The following TRHDE variants were observed in gnomAD, a reference collection of about 807,000 sequenced individuals.
TRHDE encodes thyrotropin-releasing hormone-degrading ectoenzyme.
TRHDE carries 72 observed loss-of-function variants against 125.7 expected under a neutral mutation model. The ratio of observed to expected loss-of-function variants is 0.57; its 90% CI spans 0.47 to 0.70. The LOEUF (loss-of-function observed/expected upper bound fraction) is 0.70. TRHDE is among the 30% of genes least tolerant of loss of function. The pLI is 0.00. For synonymous variants in TRHDE, 509 were observed against 509.1 expected (o/e 1.00, Z 0.00); for missense variants, 1,110 against 1,327.1 (o/e 0.84, Z 2.54).
intron 9 of TRHDE, among the ~76,000 whole-genome samples, chr12:72,566,631 AG>A (rs1382637748): frequency 8.1e-6 from 1 of 123,660 alleles, no homozygotes. Context: ...TGTTTATATT[AG>A]GGGCAATGAT....
chr12:72,207,109 C>G (rs950719694), intron 2 of TRHDE, among the ~76,000 whole-genome samples: 4 of 152,170 alleles, frequency 2.6e-5, no homozygotes, highest in Non-Finnish European at 4.4e-5. Flanking sequence ...TTATCTTTCT[C>G]TTGGACATCT....
At chr12:72,164,497 G>A (rs1252078841) in intron 2 of TRHDE, among the ~76,000 whole-genome samples, 1 of 152,132 alleles carries the variant, frequency 6.6e-6, no homozygotes, top group African/African-American at 2.4e-5. Flanking sequence ...GTCCAGTGGT[G>A]GTGAGCTGAA....
intron 2 of TRHDE, among the ~76,000 whole-genome samples, chr12:72,238,056 G>T (rs1438172702): frequency 6.6e-6 from 1 of 151,772 alleles, no homozygotes; most frequent in Non-Finnish European, 1.5e-5. Flanking sequence ...AAGGACTTTG[G>T]CATTGACATT....
At chr12:72,545,956 G>T (rs1003032050) in intron 7 of TRHDE, among the ~76,000 whole-genome samples, 6 of 151,514 alleles carry the variant, frequency 4.0e-5, no homozygotes, top group African/African-American at 7.3e-5. Flanking sequence ...TTGCATTTAG[G>T]TATATTGGAG....
intron 5 of TRHDE, among the ~76,000 whole-genome samples, chr12:72,485,750 T>C (rs373149816): frequency 2.1e-4 from 32 of 152,276 alleles, no homozygotes; most frequent in Middle Eastern, 6.8e-3. Context: ...GCTGAGAAGA[T>C]GTAACATCTT....
intron 2 of TRHDE, among the ~76,000 whole-genome samples, chr12:72,233,246 C>T (rs541383907): frequency 3.9e-5 from 6 of 152,166 alleles, no homozygotes; most frequent in Admixed American, 2.0e-4. Context: ...CAGGAGAAAA[C>T]GCTCTTATGA....
intron 2 of TRHDE, among the ~76,000 whole-genome samples, chr12:72,127,302 G>C (rs567551763): frequency 6.6e-6 from 1 of 152,202 alleles, no homozygotes; most frequent in East Asian, 1.9e-4. Context: ...AAATAACTTA[G>C]AACAACCATT....
intron 6 of TRHDE, among the ~76,000 whole-genome samples, chr12:72,525,809 A>G (rs974368509): frequency 6.6e-6 from 1 of 152,148 alleles, no homozygotes; most frequent in African/African-American, 2.4e-5. Context: ...TAATACAAAA[A>G]GAAAATATAG....
At chr12:72,168,619 G>A (rs1566262115) in intron 2 of TRHDE, among the ~76,000 whole-genome samples, 1 of 152,156 alleles carries the variant, frequency 6.6e-6, no homozygotes, top group Admixed American at 6.5e-5. Flanking sequence ...TTCTACATTG[G>A]ATCCTGTTAT....
intron 15 of TRHDE, among the ~76,000 whole-genome samples, chr12:72,625,294 G>A (rs1472380732): frequency 4.0e-5 from 6 of 151,758 alleles, no homozygotes; most frequent in Non-Finnish European, 8.8e-5. Flanking sequence ...AAGTTTTAAA[G>A]CATTTAATCA....
chr12:72,104,620 T>C (rs1875141211), intron 1 of TRHDE, among the ~76,000 whole-genome samples: 1 of 152,236 alleles, frequency 6.6e-6, no homozygotes, highest in Admixed American at 6.5e-5. Flanking sequence ...TCACTTACTT[T>C]TGTTGCTCTT....
chr12:72,352,709 T>C (rs1309773976), intron 2 of TRHDE, among the ~76,000 whole-genome samples: 1 of 151,798 alleles, frequency 6.6e-6, no homozygotes, highest in East Asian at 1.9e-4. Context: ...CTGATTCTTA[T>C]CAAATGTTTA....
intron 12 of TRHDE, chr12:72,582,579 G>A: frequency 2.0e-6 from 2 of 985,402 alleles, no homozygotes; most frequent in Non-Finnish European, 1.2e-6. Context: ...TAATGTGCCT[G>A]AAAAGCAAGT....
At chr12:72,179,354 A>G (rs1411584115) in intron 2 of TRHDE, among the ~76,000 whole-genome samples, 1 of 152,100 alleles carries the variant, frequency 6.6e-6, no homozygotes, top group Non-Finnish European at 1.5e-5. Flanking sequence ...TGGGAGAGAA[A>G]TATCTCCACT....
chr12:72,398,634 C>T (rs898352089), intron 3 of TRHDE, among the ~76,000 whole-genome samples: 15 of 152,048 alleles, frequency 9.9e-5, no homozygotes, highest in African/African-American at 3.1e-4. Context: ...TTACTTCTGA[C>T]TTAGTCTTTT....
intron 3 of TRHDE, among the ~76,000 whole-genome samples, chr12:72,456,379 T>C (rs1157779365): frequency 6.6e-6 from 1 of 152,178 alleles, no homozygotes; most frequent in Non-Finnish European, 1.5e-5. Context: ...TGTATTTTAA[T>C]ATAGCACTTC....
intron 6 of TRHDE, among the ~76,000 whole-genome samples, chr12:72,508,298 ACACT>A (rs1878440218): frequency 6.6e-6 from 1 of 152,146 alleles, no homozygotes; most frequent in African/African-American, 2.4e-5. Flanking sequence ...AAAGCCACAA[ACACT>A]CAATGCCAGA....
chr12:72,457,649 C>T (rs548848709), intron 3 of TRHDE, among the ~76,000 whole-genome samples: 2 of 149,344 alleles, frequency 1.3e-5, no homozygotes, highest in South Asian at 4.5e-4. Context: ...ACATTTGGTT[C>T]CTTTGGATTA....
intron 6 of TRHDE, among the ~76,000 whole-genome samples, chr12:72,521,973 A>G (rs1017137429): frequency 6.6e-6 from 1 of 152,180 alleles, no homozygotes; most frequent in African/African-American, 2.4e-5. Context: ...TTACGTCTGA[A>G]ATAATAACCT....
Sources: gnomAD v4.1 joint callset for allele counts (sites outside exome capture counted in the v4.1 genomes callset) on GRCh38, gnomAD v4.1.1 for gene constraint, MANE v1.5 for transcripts, NCBI Gene and HGNC (gene_info 2026-07-23, HGNC 2026-07-21) for gene names.